The following TMEM11 variants were observed in gnomAD, a reference collection of about 807,000 sequenced individuals.
The protein encoded by TMEM11 is transmembrane protein 11, also known as transmembrane protein 11, mitochondrial.
TMEM11 carries 1 observed loss-of-function variant against 17.0 expected under a neutral mutation model. That is an observed-to-expected ratio of 0.06 (90% CI 0.02 to 0.28). The LOEUF is 0.28. Ranked by LOEUF, TMEM11 falls within the 10% of genes least tolerant of loss-of-function variation. TMEM11 has a pLI of 1.00. For missense variants in TMEM11, 172 were observed against 252.9 expected, an observed-to-expected ratio of 0.68 and a Z score of 2.17; for synonymous variants, 122 against 118.1, an observed-to-expected ratio of 1.03 and a Z score of -0.21.
chr17:21,204,458 A>AG (rs1421976383), intron 1 of TMEM11, among the ~76,000 whole-genome samples: 23 of 146,890 alleles, frequency 1.6e-4, no homozygotes, highest in African/African-American at 5.7e-4. Context: ...AAAAAAAAAA[A>AG]AGAGAAAAAG....
intron 1 of TMEM11, chr17:21,211,134 T>C: frequency 7.8e-7 from 1 of 1,289,828 alleles, no homozygotes. Context: ...GGCAATCTGT[T>C]TGATGTGCTC....
chr17:21,198,764 A>C lies in TMEM11; in HGVS notation c.139T>G (p.Tyr47Asp). The C allele has an allele frequency of 6.2e-7, 1 of 1,613,990 alleles. No homozygotes were observed. Among genetic ancestry groups the C allele is most frequent in the Non-Finnish European group, 8.5e-7 (1 of 1,180,028 alleles). ...NGENAQDQFE[Y>D]ELEQALEAQY... is the part of the protein sequence containing the mutation. The stretch of plus-strand genomic sequence containing the variant: ...GCTTCCAGGGCCTGCTCCAGCTCGT[A>C]CTCAAACTGGTCTTGGGCATTCTCC... The change falls in exon 2 of 2, where the codon TAC becomes GAC. Residue 47 changes from tyrosine to aspartate, a missense_variant. Transcript: ENST00000317635. This position sits in a 1 kb window ranked among gnomAD's most constrained non-coding sequence, Gnocchi z 6.5.
chr17:21,201,456 G>A (rs779307677), intron 1 of TMEM11, among the ~76,000 whole-genome samples: 5 of 152,160 alleles, frequency 3.3e-5, no homozygotes, highest in Non-Finnish European at 7.3e-5. Context: ...CCAGTGTCAC[G>A]GCTGCCTCGC....
At chr17:21,199,184 G>A (rs981667717) in intron 1 of TMEM11, among the ~76,000 whole-genome samples, 5 of 151,884 alleles carry the variant, frequency 3.3e-5, no homozygotes, top group Non-Finnish European at 7.4e-5. Flanking sequence ...TTAGCCAGGT[G>A]TGGTGGCGCA....
chr17:21,204,279 C>T (rs1488591906), intron 1 of TMEM11, among the ~76,000 whole-genome samples: 1 of 151,364 alleles, frequency 6.6e-6, no homozygotes, highest in East Asian at 1.9e-4. Flanking sequence ...GCTACAAATA[C>T]AAAAATTAGC....
intron 1 of TMEM11, among the ~76,000 whole-genome samples, chr17:21,212,233 C>T (rs1372634633): frequency 2.0e-5 from 3 of 152,182 alleles, no homozygotes; most frequent in Admixed American, 2.0e-4. Context: ...AAACCAAATG[C>T]CACATTCCTG....
At chr17:21,201,712 C>T (rs992746450) in intron 1 of TMEM11, among the ~76,000 whole-genome samples, 1 of 152,056 alleles carries the variant, frequency 6.6e-6, no homozygotes, top group South Asian at 2.1e-4. Flanking sequence ...GCCTCGACCT[C>T]CCGGGTTCAA....
At position 21,198,147 on chromosome 17, in the gene TMEM11, T is replaced by G. The variant is rs1215685994; in HGVS notation, c.*177A>C. 25 of 760,722 alleles carry G rather than the reference T, an allele frequency of 3.3e-5. No homozygotes were observed. Among genetic ancestry groups the G allele is most frequent in the Non-Finnish European group, 4.3e-5 (21 of 489,284 alleles). The allele number at this position is 760,722 out of a possible 1,614,324, so 47.1% of individuals were successfully genotyped here. ...CTCTTGGGTTATGGAAATCCACATC[T>G]TAGTGTAATGAGCTGAAAAACCCTG... On this transcript the variant is annotated 3_prime_UTR_variant, in exon 2 of 2. Coordinates refer to ENST00000317635, the MANE Select transcript of TMEM11 (RefSeq NM_003876.3). The surrounding 1 kb of genome is among the most constrained non-coding windows in gnomAD (Gnocchi z 6.5).
At chr17:21,210,796 G>C in intron 1 of TMEM11, 5 of 898,068 alleles carry the variant, frequency 5.6e-6, no homozygotes, top group Non-Finnish European at 7.4e-6. Flanking sequence ...AAATAACTTC[G>C]CGCTAAACCT....
intron 1 of TMEM11, among the ~76,000 whole-genome samples, chr17:21,200,883 C>T (rs142131742): frequency 5.5e-4 from 84 of 152,256 alleles, no homozygotes; most frequent in African/African-American, 1.9e-3. Flanking sequence ...ATGGGAGTGA[C>T]GAGTGAAGAC....
chr17:21,214,000 GA>G, intron 1 of TMEM11, 90 bp downstream of exon 1: 1 of 1,244,428 alleles, frequency 8.0e-7, no homozygotes, highest in Non-Finnish European at 1.1e-6. Flanking sequence ...GGAAACCAGG[GA>G]AGGAAGGCTG....
chr17:21,200,263 G>A (rs545314502), intron 1 of TMEM11, among the ~76,000 whole-genome samples: 39 of 152,330 alleles, frequency 2.6e-4, no homozygotes, highest in African/African-American at 9.1e-4. Flanking sequence ...CACCTGTGGC[G>A]GGCAGGCCTG....
At chr17:21,212,420 C>T (rs866228933) in intron 1 of TMEM11, among the ~76,000 whole-genome samples, 1 of 152,158 alleles carries the variant, frequency 6.6e-6, no homozygotes, top group Non-Finnish European at 1.5e-5. Context: ...GAACTGGAAC[C>T]AAGCACTTGT....
In TMEM11 at chr17:21,204,436, A is replaced by T. The variant is rs901646303; in HGVS notation, c.63-5596T>A. 4.4e-4 allele frequency among the ~76,000 whole-genome samples: 25 copies of T among 56,182 alleles called. 2 individuals are homozygous for T. Among genetic ancestry groups the T allele is most frequent in the South Asian group, 3.5e-3 (6 of 1,708 alleles). The allele number at this position is 56,182 out of a possible 152,430, so 36.9% of individuals were successfully genotyped here. On this transcript the variant is annotated intron_variant, in intron 1 of 1. Transcript: ENST00000317635. ...GCAACAAGTAAAACTCCGTCTCAATAAAAAAAAAAAAAAAAAAAAAAAAGA... is the reference window on the plus strand; with the variant it reads ...GCAACAAGTAAAACTCCGTCTCAATTAAAAAAAAAAAAAAAAAAAAAAAGA...
chr17:21,206,903 C>T (rs972615503), intron 1 of TMEM11, among the ~76,000 whole-genome samples: 3 of 152,150 alleles, frequency 2.0e-5, no homozygotes, highest in Non-Finnish European at 2.9e-5. Context: ...ACTCCCCCAT[C>T]GGAGGTGAAC....
In TMEM11 at chr17:21,198,946, T is replaced by G. The variant is rs1445014084; in HGVS notation, c.63-106A>C. On this transcript the variant is annotated intron_variant, in intron 1 of 1. Transcript: ENST00000317635. This position sits in a 1 kb window ranked among gnomAD's most constrained non-coding sequence, Gnocchi z 6.5. ...CGCTGGGGGAGGTCTGAGCCTGCAC[T>G]GCGGAGAGCACATCTCACTTGGGTC... is the stretch of plus-strand genomic sequence containing the variant. 8.1e-7 allele frequency: 1 copy of G among 1,240,004 alleles called. No individual in the cohort carries two copies. Among genetic ancestry groups the G allele is most frequent in the Admixed American group, 2.5e-5 (1 of 39,888 alleles). The allele number at this position is 1,240,004 out of a possible 1,614,324, so 76.8% of individuals were successfully genotyped here.
intron 1 of TMEM11, among the ~76,000 whole-genome samples, chr17:21,205,937 T>C (rs1208537068): frequency 9.9e-5 from 15 of 152,108 alleles, no homozygotes; most frequent in Admixed American, 9.8e-4. Context: ...AACCACATTT[T>C]GTTAATCCAT....
In TMEM11 at chr17:21,204,401, T is replaced by C. The variant is rs554371433; in HGVS notation, c.63-5561A>G. Reference sequence around the variant, plus strand: ...GTGAGCTGAGATCATGCCATTGCACTCCAGCGTGGGCAACAAGTAAAACTC... The same window carrying C: ...GTGAGCTGAGATCATGCCATTGCACCCCAGCGTGGGCAACAAGTAAAACTC... On this transcript the variant is annotated intron_variant, in intron 1 of 1. Transcript: ENST00000317635. Among the ~76,000 whole-genome samples the C allele has an allele frequency of 5.3e-5, 7 of 131,402 alleles. No homozygotes were observed. In the South Asian group the frequency reaches 1.6e-3, roughly 30 times the overall value. 86.2% of individuals were successfully genotyped at this position (131,402 alleles called of 152,430 possible). A position where few individuals can be genotyped will look rare whatever the true frequency, so the allele number is the denominator to read the frequency against.
intron 1 of TMEM11, among the ~76,000 whole-genome samples, chr17:21,204,458 A>AAAG (rs1555542254): frequency 4.8e-5 from 7 of 146,880 alleles, no homozygotes; most frequent in African/African-American, 1.8e-4. Flanking sequence ...AAAAAAAAAA[A>AAAG]AGAGAAAAAG....
Sources: gnomAD v4.1 joint callset for allele counts (sites outside exome capture counted in the v4.1 genomes callset) on GRCh38, gnomAD v4.1.1 for gene constraint, Gnocchi (gnomAD v3.1) non-coding constraint, MANE v1.5 for transcripts, NCBI Gene and HGNC (gene_info 2026-07-23, HGNC 2026-07-21) for gene names.